CIT: variants seen among roughly 807,000 people sequenced by gnomAD.
The protein encoded by CIT is citron Rho-interacting kinase.
Under a neutral mutation model 272.7 loss-of-function variants are expected in CIT, and 79 were observed. The observed-to-expected ratio is 0.29, with a 90% confidence interval of 0.24 to 0.35. CIT has a LOEUF of 0.35. CIT is among the 10% of genes least tolerant of loss of function. The pLI, the probability that CIT is intolerant of heterozygous loss-of-function variation, is 1.00. For synonymous variants in CIT, 948 were observed against 995.6 expected, an observed-to-expected ratio of 0.95 and a Z score of 0.90; for missense variants, 1,909 against 2,618.3, an observed-to-expected ratio of 0.73 and a Z score of 5.91.
chr12:119,744,631 G>T (rs889906703), intron 23 of CIT, among the ~76,000 whole-genome samples: 1 of 149,490 alleles, frequency 6.7e-6, no homozygotes, highest in Admixed American at 6.8e-5. Flanking sequence ...CAGGAGAATG[G>T]TGTGAACCGG....
At chr12:119,822,142 C>A (rs1481809284) in intron 9 of CIT, among the ~76,000 whole-genome samples, 1 of 152,226 alleles carries the variant, frequency 6.6e-6, no homozygotes, top group East Asian at 1.9e-4. Flanking sequence ...CAGTAGAACA[C>A]ATTCAATCAA....
intron 23 of CIT, among the ~76,000 whole-genome samples, chr12:119,745,394 A>AAAAAAAAAAAAAAAAAAAAAT (rs1565978173): frequency 6.8e-6 from 1 of 146,044 alleles, no homozygotes; most frequent in East Asian, 2.0e-4. Flanking sequence ...AAAAAAAAAA[A>AAAAAAAAAAAAAAAAAAAAAT]AAAACACCTG....
rs777876977 is a variant in CIT, at chr12:119,825,313, G to C, written c.809C>G (p.Thr270Ser). 6.2e-7 allele frequency: 1 copy of C among 1,614,010 alleles called. No homozygotes were observed. The highest frequency in any genetic ancestry group is 8.5e-7 in the Non-Finnish European group (1 of 1,180,044). ...TPDYMAPEVLTVMNGDGKGTY... is the reference protein window; with the variant it reads ...TPDYMAPEVLSVMNGDGKGTY... ...GCCTTTTCCATCCCCGTTCATCACA[G>C]TCAGCACTTCAGGAGCCATGTAATC... The change falls in exon 8 of 48, where the codon ACT (threonine) becomes AGT (serine). Residue 270 changes from threonine to serine, a missense_variant. Transcript: ENST00000392521.
At chr12:119,785,090 A>AG (rs1326145411) in intron 10 of CIT, 25 bp from the exon 11 acceptor site, 2 of 1,611,862 alleles carry the variant, frequency 1.2e-6, no homozygotes, top group Non-Finnish European at 1.7e-6. Context: ...ACCAACGTCA[A>AG]GGGGGCCTGC....
intron 37 of CIT, chr12:119,711,037 G>C (rs773657010): frequency 7.3e-7 from 1 of 1,367,582 alleles, no homozygotes; most frequent in Middle Eastern, 2.1e-4. Flanking sequence ...GCACGCCTCT[G>C]CATCTCTTTA....
chr12:119,875,706 T>C (rs56930114), intron 2 of CIT, among the ~76,000 whole-genome samples: 14,655 of 152,058 alleles, frequency 0.096, 1,781 homozygotes, highest in African/African-American at 0.29. Flanking sequence ...AAAAGCAAGC[T>C]GGGCACGGTT....
At chr12:119,800,136 T>C (rs1566062608) in intron 10 of CIT, among the ~76,000 whole-genome samples, 2 of 152,080 alleles carry the variant, frequency 1.3e-5, no homozygotes, top group Admixed American at 1.3e-4. Flanking sequence ...TACCCTACTA[T>C]TGTCAAGTTC....
chr12:119,837,105 C>A (rs1184731154), intron 5 of CIT, among the ~76,000 whole-genome samples: 1 of 152,218 alleles, frequency 6.6e-6, no homozygotes, highest in Non-Finnish European at 1.5e-5. Context: ...TCTAAATAGA[C>A]CGGGTCCTTA....
chr12:119,862,927 T>A (rs1347898879), intron 3 of CIT, among the ~76,000 whole-genome samples: 4 of 127,594 alleles, frequency 3.1e-5, no homozygotes, highest in Admixed American at 8.5e-5. Flanking sequence ...TTGGGCCGGG[T>A]GCAGTGACTC....
At chr12:119,845,030 G>C (rs556581834) in intron 5 of CIT, among the ~76,000 whole-genome samples, 1 of 152,248 alleles carries the variant, frequency 6.6e-6, no homozygotes, top group South Asian at 2.1e-4. Context: ...TGAGGCAGGT[G>C]AATCACTTGA....
chr12:119,693,234 T>C (rs1439620753), intron 46 of CIT, among the ~76,000 whole-genome samples: 1 of 152,158 alleles, frequency 6.6e-6, no homozygotes, highest in East Asian at 1.9e-4. Flanking sequence ...ATCAATTTTA[T>C]GGTTTTTTGG....
intron 18 of CIT, among the ~76,000 whole-genome samples, chr12:119,769,364 C>G (rs374499416): frequency 6.6e-6 from 1 of 152,108 alleles, no homozygotes; most frequent in East Asian, 1.9e-4. Flanking sequence ...CAGGTATTTT[C>G]TAGATATATT....
intron 5 of CIT, among the ~76,000 whole-genome samples, chr12:119,837,208 G>A (rs1356072237): frequency 6.6e-6 from 1 of 152,170 alleles, no homozygotes; most frequent in African/African-American, 2.4e-5. Context: ...ATGTAAGCCA[G>A]ACATTTACTA....
rs113838968 is a variant in CIT, at chr12:119,871,074, G to A, written c.97-1873C>T. ...GCGGAGGTTGCAGTGAGCAGAGATC[G>A]TGCCACTGCACTCCAGCCTGGGCGA... On this transcript the variant is annotated intron_variant, in intron 2 of 47. Coordinates refer to ENST00000392521, the MANE Select transcript of CIT (RefSeq NM_001206999.2). Among the ~76,000 whole-genome samples the A allele has an allele frequency of 7.9e-4, 119 of 150,866 alleles. 1 individual carries two copies. The highest frequency in any genetic ancestry group is 2.4e-3 in the African/African-American group (98 of 40,952).
chr12:119,811,418 C>A (rs1966846727), intron 9 of CIT, among the ~76,000 whole-genome samples: 1 of 152,216 alleles, frequency 6.6e-6, no homozygotes, highest in Admixed American at 6.5e-5. Context: ...CATAAAAATA[C>A]TTCAGGGTAA....
chr12:119,742,999 G>A (rs1022591042), intron 23 of CIT, among the ~76,000 whole-genome samples: 6 of 151,882 alleles, frequency 4.0e-5, no homozygotes, highest in African/African-American at 1.5e-4. Flanking sequence ...ACTCTACATC[G>A]GCCTTGAAAT....
intron 10 of CIT, among the ~76,000 whole-genome samples, chr12:119,792,161 A>G (rs770796052): frequency 2.6e-5 from 4 of 152,226 alleles, no homozygotes; most frequent in Non-Finnish European, 5.9e-5. Context: ...GTGCTTAAGC[A>G]TCAAGCCATC....
rs191662126 is a variant in CIT at position 119,734,076 on chromosome 12, G to A, written c.3350+88C>T. 2.4e-4 allele frequency: 329 copies of A among 1,383,922 alleles called. 2 individuals are homozygous for A. The African/African-American group carries it at 3.8e-3, about 16-fold the overall frequency. 85.7% of individuals were successfully genotyped at this position (1,383,922 alleles called of 1,614,324 possible). On this transcript the variant is annotated intron_variant, in intron 26 of 47. Transcript: ENST00000392521. ...ACCCAGGAAACTTCTCAGTCTCGGC[G>A]GGAATAGCTGATCACCCTGTCCACA...
intron 22 of CIT, among the ~76,000 whole-genome samples, chr12:119,753,502 C>T (rs1216593183): frequency 2.0e-5 from 3 of 151,908 alleles, no homozygotes; most frequent in African/African-American, 4.8e-5. Context: ...TTTGGGAGGC[C>T]GAGGTGGGCA....
Sources: allele counts gnomAD v4.1 joint callset (sites outside exome capture counted in the v4.1 genomes callset), GRCh38; gene constraint gnomAD v4.1.1; transcripts MANE v1.5; gene names NCBI Gene and HGNC (gene_info 2026-07-23, HGNC 2026-07-21).